The following DMBX1 variants were observed in gnomAD, a reference collection of about 807,000 sequenced individuals.
DMBX1 encodes the protein diencephalon/mesencephalon homeobox 1.
Under a neutral mutation model 30.4 loss-of-function variants are expected in DMBX1, and 7 were observed. That is an observed-to-expected ratio of 0.23 (90% CI 0.13 to 0.43). The LOEUF is 0.43. Ranked by LOEUF, DMBX1 falls within the 20% of genes least tolerant of loss-of-function variation. DMBX1 has a pLI of 1.00. For synonymous variants in DMBX1, 222 were observed against 214.2 expected (o/e 1.04, Z -0.32); for missense variants, 460 against 508.5 (o/e 0.90, Z 0.92).
intron 3 of DMBX1, among the ~76,000 whole-genome samples, chr1:46,508,501 C>T (rs1666284788): frequency 6.6e-6 from 1 of 152,174 alleles, no homozygotes; most frequent in African/African-American, 2.4e-5. Context: ...GTTCTCTGGA[C>T]CAGTGTGGAG....
Position 46,511,244 on chromosome 1 carries a change from A to C in DMBX1, c.643A>C (p.Ser215Arg), listed in dbSNP as rs533863870. The change falls in exon 5 of 6, where the codon AGC becomes CGC. Residue 215 changes from serine (S) to arginine (R), a missense_variant. By Grantham distance (110) the Ser-to-Arg change is moderately radical. Coordinates refer to ENST00000360032, the MANE Select transcript of DMBX1 (RefSeq NM_172225.2). ...AGCTGAGAAGAGCCCTGGGGCTGAC[A>C]GCAAGGGGCTGGGCTGCAAGAGGGG... Reference protein sequence around the residue: ...PKAEKSPGADSKGLGCKRGSP... With the variant: ...PKAEKSPGADRKGLGCKRGSP... The C allele has an allele frequency of 1.9e-6, 3 of 1,608,598 alleles. No individual in the cohort carries two copies. In the South Asian group the frequency reaches 3.3e-5, roughly 18 times the overall value.
At chr1:46,492,424 C>T (rs1223301031) in intron 2 of DMBX1, among the ~76,000 whole-genome samples, 1 of 152,222 alleles carries the variant, frequency 6.6e-6, no homozygotes. Context: ...CCACCCTCTC[C>T]TGGGCGTCAG....
Position 46,510,931 on chromosome 1 carries a change from C to G in DMBX1, c.334-4C>G. The G allele has an allele frequency of 6.3e-7, 1 of 1,596,352 alleles. No homozygotes were observed. On this transcript the variant is annotated splice_polypyrimidine_tract_variant and splice_region_variant and intron_variant, in intron 4 of 5. Coordinates refer to ENST00000360032, the MANE Select transcript of DMBX1 (RefSeq NM_172225.2). This position sits in a 1 kb window ranked among gnomAD's most constrained non-coding sequence, Gnocchi z 4.1. ...ACCTCGGACTGCTCCTTTCCCGTCC[C>G]CAGGTGTGGTTCAAGAACCGCCGGG...
intron 5 of DMBX1, 100 bp downstream of exon 5, chr1:46,511,383 C>A: frequency 2.4e-6 from 3 of 1,268,068 alleles, no homozygotes; most frequent in Non-Finnish European, 3.2e-6. Context: ...AGGGGCATGG[C>A]GCATCAGAAA....
chr1:46,499,316 C>T (rs1036603906), intron 2 of DMBX1, among the ~76,000 whole-genome samples: 2 of 152,182 alleles, frequency 1.3e-5, no homozygotes, highest in African/African-American at 4.8e-5. Context: ...GGATTACAGG[C>T]GTAAGCCCCG....
chr1:46,505,224 A>G (rs1378121752), intron 2 of DMBX1, among the ~76,000 whole-genome samples: 7 of 144,260 alleles, frequency 4.9e-5, no homozygotes, highest in Admixed American at 1.4e-4. Context: ...TAGAAATACC[A>G]TTTGACCCAG....
At chr1:46,494,915 C>T (rs1017988524) in intron 2 of DMBX1, among the ~76,000 whole-genome samples, 1 of 152,142 alleles carries the variant, frequency 6.6e-6, no homozygotes, top group African/African-American at 2.4e-5. Flanking sequence ...GTCATGATAC[C>T]TATGCCACTG....
intron 2 of DMBX1, among the ~76,000 whole-genome samples, chr1:46,496,246 T>G (rs1666023045): frequency 6.6e-6 from 1 of 152,188 alleles, no homozygotes; most frequent in Non-Finnish European, 1.5e-5. Context: ...GATGTCATCA[T>G]GTCAAGCTTG....
At chr1:46,502,920 A>G (rs115755835) in intron 2 of DMBX1, among the ~76,000 whole-genome samples, 2,079 of 152,240 alleles carry the variant, frequency 0.014, 25 homozygotes, top group Non-Finnish European at 0.022. Flanking sequence ...AACCCAGATC[A>G]TATTATGTTA....
rs1414575805 is a variant in DMBX1 at position 46,510,720 on chromosome 1, C to G, written c.333+66C>G. The G allele has an allele frequency of 2.6e-6, 4 of 1,544,866 alleles. No individual in the cohort carries two copies. Among genetic ancestry groups the G allele is most frequent in the African/African-American group, 1.4e-5 (1 of 73,276 alleles). On this transcript the variant is annotated intron_variant, in intron 4 of 5. Coordinates refer to ENST00000360032, the MANE Select transcript of DMBX1 (RefSeq NM_172225.2). The surrounding 1 kb of genome is among the most constrained non-coding windows in gnomAD (Gnocchi z 4.1). Reference sequence around the variant, plus strand: ...CCAGCCCATCAGTCTGCCCGCTTGTCCAGGAGCCAGCATGTCATCCCTGTG... The same window carrying G: ...CCAGCCCATCAGTCTGCCCGCTTGTGCAGGAGCCAGCATGTCATCCCTGTG...
In DMBX1 at chr1:46,510,511, C is replaced by T. The variant is rs762830943; in HGVS notation, c.190C>T (p.Arg64Cys). ...ILEARYGSQHRKQRRSRTAFT... is the reference protein window; with the variant it reads ...ILEARYGSQHCKQRRSRTAFT... ...GGAGGCCCGTTATGGTTCCCAGCAC[C>T]GCAAACAACGTCGCAGCCGCACAGC... Residue 64 changes from arginine (R) to cysteine (C), a missense_variant, in exon 4 of 6, where the codon CGC becomes TGC. Transcript: ENST00000360032. The surrounding 1 kb of genome is among the most constrained non-coding windows in gnomAD (Gnocchi z 4.1). 20 of 1,613,954 alleles carry T rather than the reference C, an allele frequency of 1.2e-5. No homozygotes were observed. Among genetic ancestry groups the T allele is most frequent in the Middle Eastern group, 1.6e-4 (1 of 6,084 alleles).
rs565532561 is a variant in DMBX1 at position 46,493,216 on chromosome 1, T to G, written c.-13+2433T>G. On this transcript the variant is annotated intron_variant, in intron 2 of 5. Coordinates refer to ENST00000360032, the MANE Select transcript of DMBX1 (RefSeq NM_172225.2). The surrounding 1 kb of genome is among the most constrained non-coding windows in gnomAD (Gnocchi z 4.1). ...CGCCACTGCTGCCCGCCAAAGCCCATTACCGAACGAGTAGGGAGGGGCGCT... is the reference window on the plus strand; with the variant it reads ...CGCCACTGCTGCCCGCCAAAGCCCAGTACCGAACGAGTAGGGAGGGGCGCT... Among the ~76,000 whole-genome samples the G allele has an allele frequency of 6.6e-6, 1 of 152,164 alleles. No individual in the cohort carries two copies. The highest frequency in any genetic ancestry group is 1.5e-5 in the Non-Finnish European group (1 of 68,036).
At chr1:46,490,839 G>T (rs1387973876) in intron 2 of DMBX1, among the ~76,000 whole-genome samples, 56 bp downstream of exon 2, 2 of 152,246 alleles carry the variant, frequency 1.3e-5, no homozygotes, top group Non-Finnish European at 2.9e-5. Flanking sequence ...TGCCTCCCGC[G>T]GCCTCAGCCG....
Position 46,513,476 on chromosome 1 carries a change from G to C in DMBX1, c.*982G>C, listed in dbSNP as rs1171357394. 3.3e-5 allele frequency: 5 copies of C among 152,282 alleles called. No individual in the cohort carries two copies. The East Asian group carries it at 9.6e-4, about 29-fold the overall frequency. 9.4% of individuals were successfully genotyped at this position (152,282 alleles called of 1,614,324 possible). A position where few individuals can be genotyped will look rare whatever the true frequency, so the allele number is the denominator to read the frequency against. On this transcript the variant is annotated 3_prime_UTR_variant, in exon 6 of 6. Coordinates refer to ENST00000360032, the MANE Select transcript of DMBX1 (RefSeq NM_172225.2). Reference sequence around the variant, plus strand: ...TGAGGTCCTCATTCCCAAGATTGAGGAGGCAGTAGTTAATCTGGGAAGGCA... The same window carrying C: ...TGAGGTCCTCATTCCCAAGATTGAGCAGGCAGTAGTTAATCTGGGAAGGCA...
Position 46,512,917 on chromosome 1 carries a change from C to T in DMBX1, c.*423C>T, listed in dbSNP as rs955397020. 1 of 164,856 alleles carries T rather than the reference C, an allele frequency of 6.1e-6. No individual in the cohort carries two copies. The highest frequency in any genetic ancestry group is 5.8e-5 in the Admixed American group (1 of 17,138). The allele number at this position is 164,856 out of a possible 1,614,324, so 10.2% of individuals were successfully genotyped here. A position where few individuals can be genotyped will look rare whatever the true frequency, so the allele number is the denominator to read the frequency against. ...CCTGCCTGCCCCAGGCCCCCTGCCC[C>T]ACTCCCATCTCTTCTTCCCTGCCAC... On this transcript the variant is annotated 3_prime_UTR_variant, in exon 6 of 6. Transcript: ENST00000360032. This position sits in a 1 kb window ranked among gnomAD's most constrained non-coding sequence, Gnocchi z 4.8.
chr1:46,507,028 G>A lies in DMBX1; in HGVS notation c.18G>A (p.Val6=). The change falls in exon 3 of 6, where the codon GTG becomes GTA. Residue 6 remains valine (V), a synonymous_variant. Coordinates refer to ENST00000360032, the MANE Select transcript of DMBX1 (RefSeq NM_172225.2). The part of the protein sequence containing the change: MQHYG[V]NGYSLHAMNS... ...ATGCCGCCATGCAGCACTACGGGGTGAACGGCTACTCACTGCACGCCATGA... is the reference window on the plus strand; with the variant it reads ...ATGCCGCCATGCAGCACTACGGGGTAAACGGCTACTCACTGCACGCCATGA... 1.2e-6 allele frequency: 2 copies of A among 1,614,198 alleles called. No homozygotes were observed. The highest frequency in any genetic ancestry group is 1.7e-6 in the Non-Finnish European group (2 of 1,180,044).
At chr1:46,503,156 G>A (rs1666169699) in intron 2 of DMBX1, among the ~76,000 whole-genome samples, 1 of 152,208 alleles carries the variant, frequency 6.6e-6, no homozygotes, top group African/African-American at 2.4e-5. Context: ...ATGCCTCAGG[G>A]CCTTTGTCCT....
chr1:46,504,809 A>G lies in DMBX1; in HGVS notation c.-12-2190A>G, dbSNP rs1165529253. 4.2e-3 allele frequency among the ~76,000 whole-genome samples: 635 copies of G among 150,564 alleles called. 1 individual carries two copies. The highest frequency in any genetic ancestry group is 0.015 in the African/African-American group (603 of 40,862). ...GAATCTGTAAATTACCTTGGGCAGT[A>G]TGGCCATTTTCACGATATTGATTCT... On this transcript the variant is annotated intron_variant, in intron 2 of 5. Coordinates refer to ENST00000360032, the MANE Select transcript of DMBX1 (RefSeq NM_172225.2).
chr1:46,507,930 AG>A (rs1363613833), intron 3 of DMBX1, among the ~76,000 whole-genome samples: 2 of 152,252 alleles, frequency 1.3e-5, no homozygotes, highest in East Asian at 3.9e-4. Context: ...AGGTGCTCAG[AG>A]GTCATTATTA....
Sources: allele counts gnomAD v4.1 joint callset (sites outside exome capture counted in the v4.1 genomes callset), GRCh38; gene constraint gnomAD v4.1.1; non-coding constraint Gnocchi (gnomAD v3.1); transcripts MANE v1.5; gene names NCBI Gene and HGNC (gene_info 2026-07-23, HGNC 2026-07-21).